SBF2: variants seen among roughly 807,000 people sequenced by gnomAD.
SBF2 encodes myotubularin-related protein 13.
Under a neutral mutation model 225.2 loss-of-function variants are expected in SBF2, and 112 were observed. The observed-to-expected ratio is 0.50, with a 90% CI of 0.43 to 0.58. The LOEUF is 0.58. SBF2 is among the 20% of genes least tolerant of loss of function. SBF2 has a pLI of 0.00. For missense variants in SBF2, 1,996 were observed against 2,206.2 expected, an observed-to-expected ratio of 0.90 and a Z score of 1.91; for synonymous variants, 763 against 773.3, an observed-to-expected ratio of 0.99 and a Z score of 0.22.
chr11:10,098,320 A>G (rs1223936693), intron 2 of SBF2, among the ~76,000 whole-genome samples: 1 of 152,082 alleles, frequency 6.6e-6, no homozygotes, highest in East Asian at 1.9e-4. Context: ...GAAGAAGTAG[A>G]GTAGTTATAT....
chr11:9,830,058 A>C (rs140683201), intron 27 of SBF2, among the ~76,000 whole-genome samples: 3 of 152,234 alleles, frequency 2.0e-5, no homozygotes, highest in Admixed American at 6.5e-5. Flanking sequence ...AGAAGATAGG[A>C]GCAACTACTG....
chr11:10,295,775 T>C (rs1964502859), upstream of SBF2, among the ~76,000 whole-genome samples: 1 of 152,074 alleles, frequency 6.6e-6, no homozygotes, highest in South Asian at 2.1e-4. Flanking sequence ...TGTCTTACTG[T>C]AACTTCCCCT....
At chr11:10,284,421 CT>C (rs976572026) in intron 1 of SBF2, among the ~76,000 whole-genome samples, 2 of 152,114 alleles carry the variant, frequency 1.3e-5, no homozygotes, top group Admixed American at 6.6e-5. Flanking sequence ...TCCCACCCTC[CT>C]TTTTTATAGC....
chr11:9,996,694 C>T (rs900741711), intron 9 of SBF2, among the ~76,000 whole-genome samples: 5 of 152,110 alleles, frequency 3.3e-5, no homozygotes, highest in East Asian at 3.9e-4. Flanking sequence ...CTGCCAAACT[C>T]GCCTTCTTAA....
intron 9 of SBF2, among the ~76,000 whole-genome samples, chr11:9,997,138 C>T (rs1260979377): frequency 6.6e-6 from 1 of 152,110 alleles, no homozygotes; most frequent in Non-Finnish European, 1.5e-5. Flanking sequence ...GAATAAAATC[C>T]CTCCTGGTAA....
At chr11:9,990,488 C>T (rs550132473) in intron 12 of SBF2, among the ~76,000 whole-genome samples, 1 of 152,304 alleles carries the variant, frequency 6.6e-6, no homozygotes, top group South Asian at 2.1e-4. Flanking sequence ...TGCTATTTTT[C>T]TACCAAAGCA....
chr11:10,032,925 A>C (rs1232317963), intron 3 of SBF2, among the ~76,000 whole-genome samples: 2 of 152,096 alleles, frequency 1.3e-5, no homozygotes, highest in Non-Finnish European at 2.9e-5. Flanking sequence ...TATATTTTCT[A>C]CTTCCTTTAG....
chr11:9,808,674 AT>A, intron 31 of SBF2: 1 of 472,182 alleles, frequency 2.1e-6, no homozygotes, highest in African/African-American at 2.0e-5. Flanking sequence ...TGCATGGTAC[AT>A]CTGTGGATGG....
At chr11:10,171,707 G>A (rs1261782494) in intron 2 of SBF2, among the ~76,000 whole-genome samples, 3 of 152,258 alleles carry the variant, frequency 2.0e-5, no homozygotes, top group East Asian at 3.9e-4. Flanking sequence ...AGTTTGAGTC[G>A]AAATTGCATT....
chr11:10,272,784 T>A (rs972926829), intron 1 of SBF2, among the ~76,000 whole-genome samples: 6 of 149,508 alleles, frequency 4.0e-5, no homozygotes, highest in African/African-American at 1.2e-4. Flanking sequence ...ATAATAATAA[T>A]AACATGCCGG....
At chr11:9,828,218 G>C (rs953061262) in intron 28 of SBF2, 59 of 1,287,682 alleles carry the variant, frequency 4.6e-5, no homozygotes, top group Non-Finnish European at 5.5e-5. Flanking sequence ...CCTCCTTTCA[G>C]TCCCTAAAGT....
chr11:10,132,549 G>A (rs1331857854), intron 2 of SBF2, among the ~76,000 whole-genome samples: 1 of 147,878 alleles, frequency 6.8e-6, no homozygotes, highest in Non-Finnish European at 1.5e-5. Context: ...AGCGCGTCTG[G>A]AGTTGTTCGT....
intron 6 of SBF2, among the ~76,000 whole-genome samples, chr11:10,003,719 T>A (rs1330871568): frequency 6.6e-6 from 1 of 152,054 alleles, no homozygotes; most frequent in East Asian, 1.9e-4. Context: ...ATTTCTCCTG[T>A]CTCTTCTTTC....
intron 1 of SBF2, among the ~76,000 whole-genome samples, chr11:10,254,978 A>G (rs1960744870): frequency 6.6e-6 from 1 of 150,490 alleles, no homozygotes; most frequent in Non-Finnish European, 1.5e-5. Flanking sequence ...CCTGGAAGAC[A>G]TGATATTAAA....
intron 16 of SBF2, among the ~76,000 whole-genome samples, chr11:9,905,823 A>C (rs553953652): frequency 2.0e-5 from 3 of 152,338 alleles, no homozygotes; most frequent in African/African-American, 4.8e-5. Flanking sequence ...TGTGTGAGAA[A>C]GGAGAGGGAG....
chr11:10,236,028 A>T (rs1959059326), intron 1 of SBF2, among the ~76,000 whole-genome samples: 2 of 151,912 alleles, frequency 1.3e-5, no homozygotes, highest in Non-Finnish European at 2.9e-5. Flanking sequence ...CCGCAATTCT[A>T]CCACCACACT....
At chr11:10,264,914 A>G (rs989392914) in intron 1 of SBF2, among the ~76,000 whole-genome samples, 1 of 151,828 alleles carries the variant, frequency 6.6e-6, no homozygotes, top group African/African-American at 2.4e-5. Flanking sequence ...CATGAACCCA[A>G]CCTTTTTTAA....
At chr11:9,980,006 G>C (rs530714885) in intron 13 of SBF2, among the ~76,000 whole-genome samples, 2 of 151,012 alleles carry the variant, frequency 1.3e-5, no homozygotes, top group Non-Finnish European at 2.9e-5. Context: ...TTTCAAGACA[G>C]AGTCTTGCTC....
At position 10,072,306 on chromosome 11, in the gene SBF2, A is replaced by C. The variant is rs1236802444; in HGVS notation, c.142-29325T>G. Among the ~76,000 whole-genome samples, 11 of 152,258 alleles carry C rather than the reference A, an allele frequency of 7.2e-5. No homozygotes were observed. The South Asian group carries it at 2.1e-3, about 29-fold the overall frequency. On this transcript the variant is annotated intron_variant, in intron 2 of 39. Transcript: ENST00000256190. ...TTTCTAAGAAAACATGACTCATATC[A>C]AGGATTTGTATATTTTAAGGGAAAT...
Sources: gnomAD v4.1 joint callset for allele counts (sites outside exome capture counted in the v4.1 genomes callset) on GRCh38, gnomAD v4.1.1 for gene constraint, MANE v1.5 for transcripts, NCBI Gene and HGNC (gene_info 2026-07-23, HGNC 2026-07-21) for gene names.